The following LRRC4C variants were observed in gnomAD, a reference collection of about 807,000 sequenced individuals.
The protein encoded by LRRC4C is leucine-rich repeat-containing protein 4C.
LRRC4C carries 5 observed loss-of-function variants against 33.6 expected under a neutral mutation model. The observed-to-expected ratio is 0.15, with a 90% CI of 0.08 to 0.31. LRRC4C has a LOEUF of 0.31. Ranked by LOEUF, LRRC4C falls within the 10% of genes least tolerant of loss-of-function variation. The probability of loss-of-function intolerance (pLI) is 1.00; values close to 1 mark genes in which losing one functional copy is unlikely to be tolerated. For synonymous variants in LRRC4C, 329 were observed against 302.0 expected (o/e 1.09, Z -0.93); for missense variants, 560 against 796.7 (o/e 0.70, Z 3.58).
intron 1 of LRRC4C, among the ~76,000 whole-genome samples, chr11:41,221,254 C>G (rs980985216): frequency 6.9e-6 from 1 of 144,476 alleles, no homozygotes; most frequent in African/African-American, 2.6e-5. Flanking sequence ...AGACACTTTT[C>G]AAAAGAAGAC....
chr11:41,207,694 C>A (rs990786083), intron 1 of LRRC4C, among the ~76,000 whole-genome samples: 1 of 152,166 alleles, frequency 6.6e-6, no homozygotes, highest in Non-Finnish European at 1.5e-5. Flanking sequence ...AGACAGCAAG[C>A]CAAGAAGTGA....
chr11:40,676,414 C>G (rs1944405186), intron 2 of LRRC4C, among the ~76,000 whole-genome samples: 1 of 152,168 alleles, frequency 6.6e-6, no homozygotes, highest in Non-Finnish European at 1.5e-5. Context: ...TAGGAATTCC[C>G]TCCGTAGACA....
chr11:41,132,750 G>T (rs962226281), intron 1 of LRRC4C, among the ~76,000 whole-genome samples: 1 of 151,958 alleles, frequency 6.6e-6, no homozygotes, highest in Admixed American at 6.6e-5. Flanking sequence ...AAAGAAAGTT[G>T]CTCAATTTCC....
intron 1 of LRRC4C, among the ~76,000 whole-genome samples, chr11:41,025,391 C>T (rs1856272822): frequency 6.6e-6 from 1 of 151,610 alleles, no homozygotes; most frequent in Admixed American, 6.6e-5. Context: ...ATGAAACAGC[C>T]TTATTGCTGA....
At chr11:41,080,342 C>CTTTTTTTTTTTTT (rs71060997) in intron 1 of LRRC4C, among the ~76,000 whole-genome samples, 8 of 103,454 alleles carry the variant, frequency 7.7e-5, no homozygotes, top group Non-Finnish European at 1.1e-4. Flanking sequence ...GAGTCTCCTC[C>CTTTTTTTTTTTTT]TTTTTTTTTT....
intron 1 of LRRC4C, among the ~76,000 whole-genome samples, chr11:41,428,473 A>G (rs1955120091): frequency 6.6e-6 from 1 of 152,138 alleles, no homozygotes. Flanking sequence ...TCAAATGTTT[A>G]CTAATATCCT....
chr11:40,366,198 G>A lies in LRRC4C; in HGVS notation c.-269-46477C>T, dbSNP rs553946471. Among the ~76,000 whole-genome samples the A allele has an allele frequency of 2.0e-5, 3 of 152,204 alleles. No homozygotes were observed. In the East Asian group the frequency reaches 5.8e-4, roughly 29 times the overall value. Reference sequence around the variant, plus strand: ...TCACGGCTGTACCAGAAACAGTGGAGAAAATAAACCAGTATAACATATGCT... The same window carrying A: ...TCACGGCTGTACCAGAAACAGTGGAAAAAATAAACCAGTATAACATATGCT... On this transcript the variant is annotated intron_variant, in intron 3 of 6. Transcript: ENST00000528697.
At chr11:40,962,429 T>C (rs765847075) in intron 1 of LRRC4C, among the ~76,000 whole-genome samples, 38 of 151,704 alleles carry the variant, frequency 2.5e-4, no homozygotes, top group Non-Finnish European at 4.6e-4. Flanking sequence ...AGGAAACTGA[T>C]ACACAGCACT....
chr11:41,156,157 C>G (rs1944222878), intron 1 of LRRC4C, among the ~76,000 whole-genome samples: 1 of 152,038 alleles, frequency 6.6e-6, no homozygotes, highest in Non-Finnish European at 1.5e-5. Flanking sequence ...ATTGAAGGAA[C>G]AGGAGCACAC....
In LRRC4C at chr11:41,397,395, C is replaced by T. The variant is rs531990032; in HGVS notation, c.-496+62036G>A. ...GAACACCTTTATGATGATCCACTTCCATTTAATAAACAGTAAATATATTTT... is the reference window on the plus strand; with the variant it reads ...GAACACCTTTATGATGATCCACTTCTATTTAATAAACAGTAAATATATTTT... On this transcript the variant is annotated intron_variant, in intron 1 of 6. Transcript: ENST00000528697. 2.6e-5 allele frequency among the ~76,000 whole-genome samples: 4 copies of T among 152,012 alleles called. No homozygotes were observed. In the South Asian group the frequency reaches 8.3e-4, roughly 32 times the overall value.
rs187777085 is a variant in LRRC4C at position 40,116,563 on chromosome 11, G to A, written c.-42-229C>T. Among the ~76,000 whole-genome samples the A allele has an allele frequency of 5.9e-5, 9 of 152,200 alleles. No homozygotes were observed. In the East Asian group the frequency reaches 1.6e-3, roughly 26 times the overall value. On this transcript the variant is annotated intron_variant, in intron 6 of 6. Transcript: ENST00000528697. The stretch of plus-strand genomic sequence containing the variant: ...ATGAGATGTATGACCACAGAGTAAG[G>A]GGTCAATGAGGTAGAGGACACTAAT...
intron 2 of LRRC4C, among the ~76,000 whole-genome samples, chr11:40,868,245 A>G (rs1954467749): frequency 6.6e-6 from 1 of 152,156 alleles, no homozygotes; most frequent in Non-Finnish European, 1.5e-5. Context: ...TTCAGTAAAT[A>G]TATAACTGTG....
chr11:40,747,336 G>A (rs1355968693), intron 2 of LRRC4C, among the ~76,000 whole-genome samples: 1 of 152,060 alleles, frequency 6.6e-6, no homozygotes, highest in African/African-American at 2.4e-5. Flanking sequence ...GCTACACTAT[G>A]GCAGATACCC....
intron 1 of LRRC4C, among the ~76,000 whole-genome samples, chr11:41,097,894 A>G (rs1251291145): frequency 6.6e-6 from 1 of 151,842 alleles, no homozygotes; most frequent in African/African-American, 2.4e-5. Flanking sequence ...GTTTTAACAC[A>G]CCCCCATGCC....
At chr11:41,409,540 A>G (rs1435107055) in intron 1 of LRRC4C, among the ~76,000 whole-genome samples, 1 of 152,158 alleles carries the variant, frequency 6.6e-6, no homozygotes, top group African/African-American at 2.4e-5. Context: ...CTATTTTACA[A>G]CTGATGAAAC....
At position 40,397,740 on chromosome 11, in the gene LRRC4C, T is replaced by C. The variant is rs1949599907; in HGVS notation, c.-269-78019A>G. On this transcript the variant is annotated intron_variant, in intron 3 of 6. Coordinates refer to ENST00000528697, the MANE Select transcript of LRRC4C (RefSeq NM_001258419.2). ...GCTAGCAGTAGGCTGAAAATGAGCA[T>C]GGAACCAGTATGGCGGAAGGCATAG... 2.0e-5 allele frequency among the ~76,000 whole-genome samples: 3 copies of C among 152,000 alleles called. No individual in the cohort carries two copies. The South Asian group carries it at 6.2e-4, about 32-fold the overall frequency.
intron 3 of LRRC4C, among the ~76,000 whole-genome samples, chr11:40,487,197 A>C (rs1953908141): frequency 6.6e-6 from 1 of 152,060 alleles, no homozygotes. Context: ...TTCTATTGTT[A>C]AACTTATTTT....
At chr11:41,163,284 G>GTTTTTTTTTTTTTTT (rs71466923) in intron 1 of LRRC4C, among the ~76,000 whole-genome samples, 6,432 of 73,310 alleles carry the variant, frequency 0.088, 2,480 homozygotes, top group Middle Eastern at 0.29. Flanking sequence ...TACTGTAACT[G>GTTTTTTTTTTTTTTT]TTTTTTTTTT....
At chr11:41,032,515 A>C (rs970587362) in intron 1 of LRRC4C, among the ~76,000 whole-genome samples, 4 of 151,998 alleles carry the variant, frequency 2.6e-5, no homozygotes, top group Non-Finnish European at 4.4e-5. Flanking sequence ...ATTGTTTTAT[A>C]ATTTGCAATA....
Sources: allele counts gnomAD v4.1 joint callset (sites outside exome capture counted in the v4.1 genomes callset), GRCh38; gene constraint gnomAD v4.1.1; transcripts MANE v1.5; gene names NCBI Gene and HGNC (gene_info 2026-07-23, HGNC 2026-07-21).